RAB11FIP3: variants seen among roughly 807,000 people sequenced by gnomAD.
The protein encoded by RAB11FIP3 is RAB11 family interacting protein 3.
In RAB11FIP3, 17 loss-of-function variants were observed where a neutral mutation model predicts 77.8. The ratio of observed to expected loss-of-function variants is 0.22; its 90% CI spans 0.15 to 0.33. RAB11FIP3 has a LOEUF of 0.33. Among genes scored for constraint, RAB11FIP3 ranks in the 10% least tolerant of loss-of-function variants. RAB11FIP3 has a pLI of 1.00. For synonymous variants in RAB11FIP3, 437 were observed against 448.2 expected (o/e 0.98, Z 0.31); for missense variants, 1,005 against 1,011.2 (o/e 0.99, Z 0.08).
intron 3 of RAB11FIP3, chr16:475,033 G>A: frequency 6.4e-7 from 1 of 1,551,728 alleles, no homozygotes; most frequent in Non-Finnish European, 8.7e-7. Context: ...CCAACAGCAT[G>A]CCCTTCCTGA....
intron 5 of RAB11FIP3, among the ~76,000 whole-genome samples, chr16:491,821 T>A (rs115011884): frequency 0.012 from 1,785 of 151,756 alleles, 37 homozygotes; most frequent in African/African-American, 0.041. Context: ...TTGATTTCGC[T>A]TGCGGTGAAG....
At chr16:482,315 G>C (rs1013734835) in intron 3 of RAB11FIP3, 1 of 694,368 alleles carries the variant, frequency 1.4e-6, no homozygotes, top group South Asian at 1.5e-5. Flanking sequence ...CGAGGCCTCC[G>C]AAAGTACTGG....
chr16:426,086 C>G lies in RAB11FIP3; in HGVS notation c.80C>G (p.Pro27Arg), dbSNP rs554293301. 28 of 1,003,312 alleles carry G rather than the reference C, an allele frequency of 2.8e-5. No individual in the cohort carries two copies. Among genetic ancestry groups the G allele is most frequent in the Non-Finnish European group, 3.3e-5 (28 of 843,376 alleles). The allele number at this position is 1,003,312 out of a possible 1,614,324, so 62.2% of individuals were successfully genotyped here. ...PDPEPGGPDGPGAAQLAPGPA... is the reference protein window; with the variant it reads ...PDPEPGGPDGRGAAQLAPGPA... ...CCGGAGCCGGGCGGGCCGGACGGGC[C>G]GGGGGCGGCACAACTGGCTCCGGGC... The change falls in exon 1 of 14, where the codon CCG becomes CGG. Residue 27 changes from proline to arginine, a missense_variant. This residue lies in a region of RAB11FIP3 where 466 missense variants were observed against 408.3 expected (regional missense o/e 1.14). Transcript: ENST00000262305. This position sits in a 1 kb window ranked among gnomAD's most constrained non-coding sequence, Gnocchi z 5.0.
intron 1 of RAB11FIP3, among the ~76,000 whole-genome samples, chr16:445,113 C>CAAA (rs56706849): frequency 0.052 from 3,642 of 70,682 alleles, 491 homozygotes; most frequent in African/African-American, 0.24. Context: ...GACTCTGTCT[C>CAAA]AAAAAAAAAA....
At chr16:512,117 C>T (rs2032206750) in intron 9 of RAB11FIP3, among the ~76,000 whole-genome samples, 1 of 152,246 alleles carries the variant, frequency 6.6e-6, no homozygotes, top group African/African-American at 2.4e-5. Flanking sequence ...CTTTGAAACT[C>T]TCCCAAAGAC....
intron 9 of RAB11FIP3, among the ~76,000 whole-genome samples, chr16:515,266 GTTACTT>G (rs2141896793): frequency 6.6e-6 from 1 of 152,338 alleles, no homozygotes; most frequent in African/African-American, 2.4e-5. Context: ...ACATGCAAGT[GTTACTT>G]TGAAAGGAGA....
rs1567403443 is a variant in RAB11FIP3 at position 505,692 on chromosome 16, A to G, written c.1499+65A>G. On this transcript the variant is annotated intron_variant, in intron 8 of 13. Transcript: ENST00000262305. The surrounding 1 kb of genome is among the most constrained non-coding windows in gnomAD (Gnocchi z 4.0). ...CTCCTGTGCCCGCCTGTCAGCCCCC[A>G]TTTACTTCTCTTTACCTCACACAGC... 2 of 1,357,186 alleles carry G rather than the reference A, an allele frequency of 1.5e-6. No individual in the cohort carries two copies. Among genetic ancestry groups the G allele is most frequent in the Non-Finnish European group, 2.0e-6 (2 of 993,284 alleles). The allele number at this position is 1,357,186 out of a possible 1,614,324, so 84.1% of individuals were successfully genotyped here.
intron 5 of RAB11FIP3, among the ~76,000 whole-genome samples, chr16:492,295 C>T (rs538398045): frequency 1.7e-4 from 25 of 146,738 alleles, no homozygotes; most frequent in Non-Finnish European, 2.7e-4. Context: ...GCACTGATGG[C>T]CATTCTGGAG....
chr16:513,612 G>T (rs185469875), intron 9 of RAB11FIP3, among the ~76,000 whole-genome samples: 4 of 152,344 alleles, frequency 2.6e-5, no homozygotes, highest in Admixed American at 1.3e-4. Context: ...AACTGAGCAT[G>T]TACTACTTTT....
chr16:482,206 G>A (rs1203838152), intron 3 of RAB11FIP3, among the ~76,000 whole-genome samples: 3 of 152,186 alleles, frequency 2.0e-5, no homozygotes, highest in Admixed American at 1.3e-4. Context: ...ACAGGCAGGT[G>A]CCACCACATC....
chr16:428,847 C>T (rs1054978010), intron 1 of RAB11FIP3, among the ~76,000 whole-genome samples: 7 of 152,140 alleles, frequency 4.6e-5, no homozygotes, highest in Non-Finnish European at 1.0e-4. Flanking sequence ...GCTGAGCTTT[C>T]TTGTCATCAC....
At chr16:500,478 T>C (rs961107447) in intron 6 of RAB11FIP3, among the ~76,000 whole-genome samples, 2 of 151,734 alleles carry the variant, frequency 1.3e-5, no homozygotes, top group Admixed American at 1.3e-4. Flanking sequence ...GTCAGGAGTT[T>C]GAGACCAGCC....
intron 1 of RAB11FIP3, among the ~76,000 whole-genome samples, chr16:441,125 T>C (rs112807872): frequency 0.18 from 26,672 of 152,092 alleles, 4,278 homozygotes; most frequent in African/African-American, 0.43. Context: ...GTATTTTTAT[T>C]AGAGACGGGT....
intron 11 of RAB11FIP3, 25 bp downstream of exon 11, chr16:519,916 C>G (rs1284519460): frequency 6.4e-7 from 1 of 1,558,646 alleles, no homozygotes; most frequent in Admixed American, 1.9e-5. Flanking sequence ...TGCCCCACGC[C>G]CAGTCCTGCG....
chr16:482,390 A>T (rs1406543718), intron 3 of RAB11FIP3, 135 bp from the exon 4 acceptor site: 1 of 820,460 alleles, frequency 1.2e-6, no homozygotes, highest in South Asian at 1.4e-5. Context: ...CTCTGCTTAG[A>T]GACAGTTGGG....
intron 1 of RAB11FIP3, among the ~76,000 whole-genome samples, chr16:435,313 C>T (rs1322277446): frequency 6.6e-6 from 1 of 151,238 alleles, no homozygotes; most frequent in East Asian, 2.0e-4. Flanking sequence ...TTAAGGGCAC[C>T]AGGCTTATGG....
At position 452,920 on chromosome 16, in the gene RAB11FIP3, A is replaced by C. The variant is rs551556843; in HGVS notation, c.715-8484A>C. On this transcript the variant is annotated intron_variant, in intron 1 of 13. Coordinates refer to ENST00000262305, the MANE Select transcript of RAB11FIP3 (RefSeq NM_014700.4). ...CAGGCGCCCGCCACCACGCCCGGCT[A>C]ATTTTTTGTATTTTTAGTAGAGATG... Among the ~76,000 whole-genome samples the C allele has an allele frequency of 1.3e-4, 8 of 61,106 alleles. 1 individual carries two copies. The East Asian group carries it at 3.3e-3, about 25-fold the overall frequency. 40.1% of individuals were successfully genotyped at this position (61,106 alleles called of 152,430 possible).
chr16:477,646 G>A (rs1454350177), intron 3 of RAB11FIP3: 1 of 985,360 alleles, frequency 1.0e-6, no homozygotes, highest in Non-Finnish European at 1.2e-6. Context: ...AGTGGGAGCT[G>A]CCCAGGGACG....
chr16:446,291 T>A (rs2055315944), intron 1 of RAB11FIP3, among the ~76,000 whole-genome samples: 2 of 152,172 alleles, frequency 1.3e-5, no homozygotes, highest in South Asian at 4.1e-4. Flanking sequence ...CTGGCCTCTT[T>A]CTGACCCGTA....
Sources: allele counts gnomAD v4.1 joint callset (sites outside exome capture counted in the v4.1 genomes callset), GRCh38; gene constraint gnomAD v4.1.1; regional missense constraint gnomAD v4.1.1; non-coding constraint Gnocchi (gnomAD v3.1); transcripts MANE v1.5; gene names NCBI Gene and HGNC (gene_info 2026-07-23, HGNC 2026-07-21).